Variants in SYNE1 observed in about 807,000 individuals in gnomAD.
SYNE1 encodes the protein nesprin-1.
Under a neutral mutation model 1,111.0 loss-of-function variants are expected in SYNE1, and 616 were observed. That is an observed-to-expected ratio of 0.55 (90% confidence interval 0.52 to 0.59). The LOEUF (loss-of-function observed/expected upper bound fraction) is 0.59, where lower values mean the gene tolerates loss of function less well. Ranked by LOEUF, SYNE1 falls within the 20% of genes least tolerant of loss-of-function variation. SYNE1 has a pLI of 0.00. For synonymous variants in SYNE1, 3,855 were observed against 3,825.8 expected, an observed-to-expected ratio of 1.01 and a Z score of -0.28; for missense variants, 10,006 against 10,417.0, an observed-to-expected ratio of 0.96 and a Z score of 1.72.
chr6:152,122,410 A>T lies in SYNE1; in HGVS notation c.*26T>A, dbSNP rs747313729. On this transcript the variant is annotated 3_prime_UTR_variant, in exon 146 of 146. Coordinates refer to ENST00000367255, the MANE Select transcript of SYNE1 (RefSeq NM_182961.4). ...ACCCGATCCTCCTTATGCTACCAGCACTTCTGCAGATGGCATCTGCTTAGT... is the reference window on the plus strand; with the variant it reads ...ACCCGATCCTCCTTATGCTACCAGCTCTTCTGCAGATGGCATCTGCTTAGT... The T allele has an allele frequency of 6.2e-7, 1 of 1,613,978 alleles. No homozygotes were observed. Among genetic ancestry groups the T allele is most frequent in the East Asian group, 2.2e-5 (1 of 44,884 alleles).
intron 2 of SYNE1, among the ~76,000 whole-genome samples, chr6:152,636,162 C>A (rs536922224): frequency 2.4e-4 from 37 of 152,298 alleles, no homozygotes; most frequent in Non-Finnish European, 5.4e-4. Flanking sequence ...TGGAGTCTGA[C>A]GCGCCAGGGC....
intron 108 of SYNE1, among the ~76,000 whole-genome samples, chr6:152,239,058 C>T (rs769702507): frequency 4.6e-5 from 7 of 151,752 alleles, no homozygotes; most frequent in East Asian, 1.9e-4. Context: ...CGACGACGTC[C>T]GGCTAATTTT....
At position 152,269,227 on chromosome 6, in the gene SYNE1, G is replaced by T. The variant is rs755740458; in HGVS notation, c.18633C>A (p.Gly6211=). 6.2e-7 allele frequency: 1 copy of T among 1,614,192 alleles called. No individual in the cohort carries two copies. The highest frequency in any genetic ancestry group is 1.1e-5 in the South Asian group (1 of 91,086). The change falls in exon 99 of 146, where the codon GGC becomes GGA. Residue 6211 remains glycine, a synonymous_variant. Coordinates refer to ENST00000367255, the MANE Select transcript of SYNE1 (RefSeq NM_182961.4). ...GAGCTTGGGCCAGCCATTCCTGGAC[G>T]CCGGGGCTCTGCGTGGCTGTTAGGT... is the stretch of plus-strand genomic sequence containing the variant. ...DVDLTATQSP[G]VQEWLAQART...
intron 11 of SYNE1, 96 bp from the exon 12 acceptor site, chr6:152,488,599 A>G: frequency 1.3e-6 from 1 of 752,316 alleles, no homozygotes; most frequent in South Asian, 1.6e-5. Context: ...CTTAATATTT[A>G]GTAAGTCCCA....
rs1285798656 is a variant in SYNE1 at position 152,323,640 on chromosome 6, T to A, written c.15755A>T (p.Glu5252Val). ...ASKAELLTLL[E>V]YHDTFVLELE... is the part of the protein sequence containing the mutation. ...CTCCAGAACGAACGTGTCGTGGTATTCAAGAAGAGTTAAGAGCTCTGCTTT... is the reference window on the plus strand; with the variant it reads ...CTCCAGAACGAACGTGTCGTGGTATACAAGAAGAGTTAAGAGCTCTGCTTT... Residue 5252 changes from glutamate (E) to valine (V), a missense_variant, in exon 82 of 146, where the codon GAA becomes GTA. Glu to Val is a moderately radical substitution (Grantham distance 121). Around this residue, in one of 7 missense-constraint regions of SYNE1, gnomAD observed 4,955 missense variants for 5,017.2 expected, o/e 0.99. Transcript: ENST00000367255. The A allele has an allele frequency of 6.2e-7, 1 of 1,614,254 alleles. No homozygotes were observed. Among genetic ancestry groups the A allele is most frequent in the Non-Finnish European group, 8.5e-7 (1 of 1,180,046 alleles).
At chr6:152,485,259 T>C (rs553344720) in intron 12 of SYNE1, among the ~76,000 whole-genome samples, 2 of 152,236 alleles carry the variant, frequency 1.3e-5, no homozygotes, top group Admixed American at 6.5e-5. Context: ...CAAGGACAAG[T>C]AGTAGAGGTA....
chr6:152,160,893 T>C (rs1297444148), intron 131 of SYNE1, among the ~76,000 whole-genome samples: 3 of 152,096 alleles, frequency 2.0e-5, no homozygotes, highest in Non-Finnish European at 4.4e-5. Flanking sequence ...TGGGCACTCA[T>C]ACAGCCCTTA....
intron 3 of SYNE1, among the ~76,000 whole-genome samples, chr6:152,610,576 A>C (rs766614622): frequency 1.3e-5 from 2 of 152,206 alleles, no homozygotes; most frequent in Non-Finnish European, 2.9e-5. Context: ...ACTCTTCAGG[A>C]TATTATCCAG....
At chr6:152,447,647 G>T in intron 28 of SYNE1, 25 bp from the exon 29 acceptor site, 1 of 1,613,880 alleles carries the variant, frequency 6.2e-7, no homozygotes, top group South Asian at 1.1e-5. Context: ...CACTTTTGAT[G>T]AACACAGTGC....
rs765080592 is a variant in SYNE1, at chr6:152,321,783, C to T, written c.16021G>A (p.Glu5341Lys). The T allele has an allele frequency of 1.4e-5, 23 of 1,613,850 alleles. No homozygotes were observed. In the South Asian group the frequency reaches 2.2e-4, roughly 15 times the overall value. Reference sequence around the variant, plus strand: ...GGATTCCCTAAATATTCTTTCGTTTCCTGAACCCAACATTTCACAGAATTG... The same window carrying T: ...GGATTCCCTAAATATTCTTTCGTTTTCTGAACCCAACATTTCACAGAATTG... The part of the protein sequence containing the change: ...QINSVKCWVQ[E>K]TKEYLGNPTI... The change falls in exon 83 of 146, where the codon GAA (glutamate) becomes AAA (lysine). Residue 5341 changes from glutamate to lysine, a missense_variant. Physicochemically the swap from Glu to Lys is moderately conservative, Grantham distance 56. Around this residue, in one of 7 missense-constraint regions of SYNE1, gnomAD observed 4,955 missense variants for 5,017.2 expected, o/e 0.99. Coordinates refer to ENST00000367255, the MANE Select transcript of SYNE1 (RefSeq NM_182961.4).
At chr6:152,597,660 T>C (rs1207343366) in intron 3 of SYNE1, among the ~76,000 whole-genome samples, 5 of 152,162 alleles carry the variant, frequency 3.3e-5, no homozygotes, top group African/African-American at 1.2e-4. Flanking sequence ...GTGACTATTA[T>C]ACAATTATAG....
rs2097038893 is a variant in SYNE1, at chr6:152,364,916, A to G, written c.10076T>C (p.Ile3359Thr). Residue 3359 changes from isoleucine to threonine, a missense_variant, in exon 63 of 146, where the codon ATT (isoleucine) becomes ACT (threonine). Around this residue, in one of 7 missense-constraint regions of SYNE1, gnomAD observed 4,955 missense variants for 5,017.2 expected, o/e 0.99. Coordinates refer to ENST00000367255, the MANE Select transcript of SYNE1 (RefSeq NM_182961.4). ...QNTSPEGIPTIQQQLQSVKDM... is the reference protein window; with the variant it reads ...QNTSPEGIPTTQQQLQSVKDM... Reference sequence around the variant, plus strand: ...CTTCACACTCTGCAGCTGCTGCTGAATAGTGGGAATGCCTTCTGGAGAAGT... The same window carrying G: ...CTTCACACTCTGCAGCTGCTGCTGAGTAGTGGGAATGCCTTCTGGAGAAGT... The G allele has an allele frequency of 6.2e-7, 1 of 1,614,232 alleles. No homozygotes were observed. The highest frequency in any genetic ancestry group is 2.2e-5 in the East Asian group (1 of 44,886).
chr6:152,423,891 T>G (rs1414706728), intron 39 of SYNE1, among the ~76,000 whole-genome samples: 3 of 152,232 alleles, frequency 2.0e-5, no homozygotes, highest in Non-Finnish European at 4.4e-5. Context: ...GATCTTAATC[T>G]GATGTCATCT....
chr6:152,276,030 CT>C (rs749642435), intron 98 of SYNE1, among the ~76,000 whole-genome samples: 17,593 of 84,008 alleles, frequency 0.21, 952 homozygotes, highest in African/African-American at 0.33. Context: ...TTCTCGACTT[CT>C]TTTTTTTTTT....
intron 145 of SYNE1, among the ~76,000 whole-genome samples, chr6:152,123,794 G>A (rs923083574): frequency 1.3e-5 from 2 of 152,178 alleles, no homozygotes; most frequent in Admixed American, 6.5e-5. Context: ...TTGTATGTGA[G>A]GCTACTGAAA....
intron 3 of SYNE1, among the ~76,000 whole-genome samples, chr6:152,600,432 C>G (rs1335807537): frequency 6.6e-6 from 1 of 152,038 alleles, no homozygotes; most frequent in African/African-American, 2.4e-5. Context: ...TTTTAAAAAG[C>G]AAACAGAAAC....
At chr6:152,318,351 C>T in intron 85 of SYNE1, 88 bp from the exon 86 acceptor site, 3 of 1,353,006 alleles carry the variant, frequency 2.2e-6, no homozygotes, top group South Asian at 2.4e-5. Context: ...TTTGTCAAAG[C>T]CAAATATTAT....
At position 152,511,650 on chromosome 6, in the gene SYNE1, A is replaced by G; in HGVS notation, c.310-547T>C. On this transcript the variant is annotated intron_variant, in intron 6 of 145. Coordinates refer to ENST00000367255, the MANE Select transcript of SYNE1 (RefSeq NM_182961.4). ...TATACATAAATCATCTTTCAAAATC[A>G]GCATTATTTGTTCAAAGGGAATAAA... is the stretch of plus-strand genomic sequence containing the variant. The G allele has an allele frequency of 4.5e-6, 7 of 1,549,758 alleles. No homozygotes were observed. The Admixed American group carries it at 5.0e-5, about 11-fold the overall frequency.
chr6:152,250,098 C>A (rs1252900508), intron 104 of SYNE1, among the ~76,000 whole-genome samples: 1 of 151,414 alleles, frequency 6.6e-6, no homozygotes, highest in Non-Finnish European at 1.5e-5. Flanking sequence ...CCGGTCTCTA[C>A]AAAAAGTTTA....
Sources: gnomAD v4.1 joint callset for allele counts (sites outside exome capture counted in the v4.1 genomes callset) on GRCh38, gnomAD v4.1.1 for gene constraint, gnomAD v4.1.1 regional missense constraint, MANE v1.5 for transcripts, NCBI Gene and HGNC (gene_info 2026-07-23, HGNC 2026-07-21) for gene names.